The following LGR5 variants were observed in gnomAD, a reference collection of about 807,000 sequenced individuals.
LGR5 encodes leucine-rich repeat-containing G protein-coupled receptor 5.
Under a neutral mutation model 76.7 loss-of-function variants are expected in LGR5, and 54 were observed. That is an observed-to-expected ratio of 0.70 (90% CI 0.57 to 0.88). The LOEUF (loss-of-function observed/expected upper bound fraction) is 0.88, where lower values mean the gene tolerates loss of function less well. LGR5 is among the 40% of genes least tolerant of loss of function. The probability of loss-of-function intolerance (pLI) is 0.00; values close to 1 mark genes in which losing one functional copy is unlikely to be tolerated. For missense variants in LGR5, 1,078 were observed against 1,073.3 expected (o/e 1.00, Z -0.06); for synonymous variants, 406 against 421.9 (o/e 0.96, Z 0.46).
chr12:71,453,676 C>T (rs1198317717), intron 1 of LGR5, among the ~76,000 whole-genome samples: 1 of 151,212 alleles, frequency 6.6e-6, no homozygotes, highest in African/African-American at 2.4e-5. Context: ...TCAGGAAAAC[C>T]CAAGATTTCA....
intron 4 of LGR5, among the ~76,000 whole-genome samples, chr12:71,544,230 C>A (rs1290088402): frequency 6.6e-6 from 1 of 151,398 alleles, no homozygotes; most frequent in African/African-American, 2.4e-5. Context: ...TTATCTCTCC[C>A]CAACCTGGAG....
At chr12:71,535,803 A>G (rs1280883577) in intron 4 of LGR5, among the ~76,000 whole-genome samples, 4 of 152,198 alleles carry the variant, frequency 2.6e-5, no homozygotes, top group Non-Finnish European at 5.9e-5. Flanking sequence ...ACATGGACTC[A>G]CAGAGGTGTT....
intron 17 of LGR5, 99 bp downstream of exon 17, chr12:71,582,638 C>A (rs940885162): frequency 3.5e-6 from 3 of 866,664 alleles, no homozygotes; most frequent in African/African-American, 1.7e-5. Context: ...GAATCTGTGC[C>A]AACTTTGCAG....
chr12:71,545,294 A>G (rs1252162420), intron 4 of LGR5, among the ~76,000 whole-genome samples: 1 of 152,034 alleles, frequency 6.6e-6, no homozygotes. Flanking sequence ...AAAAAATACA[A>G]AAAATTAGCT....
At chr12:71,531,262 G>A (rs975394892) in intron 3 of LGR5, among the ~76,000 whole-genome samples, 1 of 152,102 alleles carries the variant, frequency 6.6e-6, no homozygotes, top group Non-Finnish European at 1.5e-5. Flanking sequence ...AAAGAAATCA[G>A]CAGCCATGTG....
chr12:71,553,106 C>T lies in LGR5; in HGVS notation c.462C>T (p.Pro154=). ...ATGCTAACCACATCAGCTATGTGCC[C>T]CCAAGCTGTTTCAGTGGCCTGCATT... The part of the protein sequence containing the change: ...RLDANHISYV[P]PSCFSGLHSL... Residue 154 remains proline (P), a synonymous_variant, in exon 5 of 18, where the codon CCC becomes CCT. Coordinates refer to ENST00000266674, the MANE Select transcript of LGR5 (RefSeq NM_003667.4). 1 of 1,613,952 alleles carries T rather than the reference C, an allele frequency of 6.2e-7. No individual in the cohort carries two copies. Among genetic ancestry groups the T allele is most frequent in the Non-Finnish European group, 8.5e-7 (1 of 1,179,978 alleles).
chr12:71,586,053 A>C lies in LGR5; in HGVS notation c.*1319A>C, dbSNP rs1485580378. The C allele has an allele frequency of 6.6e-6, 1 of 152,150 alleles. No individual in the cohort carries two copies. Among genetic ancestry groups the C allele is most frequent in the Non-Finnish European group, 1.5e-5 (1 of 68,016 alleles). 9.4% of individuals were successfully genotyped at this position (152,150 alleles called of 1,614,324 possible). On this transcript the variant is annotated 3_prime_UTR_variant, in exon 18 of 18. Transcript: ENST00000266674. ...GGATTTGAAAAAATACATTTATGAG[A>C]TGTTTTATAAGATGTGTAAATATAG...
Position 71,572,826 on chromosome 12 carries a change from A to G in LGR5, c.1137-24A>G, listed in dbSNP as rs17109874. On this transcript the variant is annotated intron_variant, in intron 12 of 17. Coordinates refer to ENST00000266674, the MANE Select transcript of LGR5 (RefSeq NM_003667.4). The stretch of plus-strand genomic sequence containing the variant: ...TTTGAAACCAGTAACTTTGAAATCA[A>G]TCTTTGGAACCCTGTCATTTCAGTG... 11,397 of 1,596,472 alleles carry G rather than the reference A, an allele frequency of 7.1e-3. 638 individuals are homozygous for G. In the African/African-American group the frequency reaches 0.13, roughly 18 times the overall value.
chr12:71,466,990 G>A (rs950164156), intron 1 of LGR5, among the ~76,000 whole-genome samples: 2 of 149,186 alleles, frequency 1.3e-5, no homozygotes, highest in African/African-American at 5.1e-5. Flanking sequence ...AGGCAAAAAG[G>A]CAAATAATGT....
intron 2 of LGR5, among the ~76,000 whole-genome samples, chr12:71,522,611 C>T (rs554827409): frequency 2.0e-4 from 30 of 152,024 alleles, no homozygotes; most frequent in Non-Finnish European, 4.0e-4. Context: ...TGTTTGTCTA[C>T]TCTATTTTTT....
At chr12:71,525,393 T>C (rs1438951209) in intron 3 of LGR5, among the ~76,000 whole-genome samples, 1 of 149,174 alleles carries the variant, frequency 6.7e-6, no homozygotes, top group Non-Finnish European at 1.5e-5. Context: ...CTTTGAATTT[T>C]TTTCTTTTCT....
chr12:71,446,280 G>A (rs1172979526), intron 1 of LGR5, among the ~76,000 whole-genome samples: 2 of 152,208 alleles, frequency 1.3e-5, no homozygotes, highest in African/African-American at 4.8e-5. Context: ...CAGCTGAATT[G>A]TGTTCAGTTT....
intron 11 of LGR5, 165 bp from the exon 12 acceptor site, chr12:71,571,349 T>A (rs747059281): frequency 2.0e-6 from 1 of 504,676 alleles, no homozygotes; most frequent in Non-Finnish European, 3.5e-6. Flanking sequence ...ATCTACTGGT[T>A]AATCCAATAA....
chr12:71,449,340 G>C (rs73138530), intron 1 of LGR5, among the ~76,000 whole-genome samples: 1 of 152,140 alleles, frequency 6.6e-6, no homozygotes, highest in Admixed American at 6.6e-5. Context: ...TAACTCATGC[G>C]CAGCCCCTGT....
chr12:71,510,185 C>T (rs906824359), intron 2 of LGR5, among the ~76,000 whole-genome samples: 1 of 152,182 alleles, frequency 6.6e-6, no homozygotes, highest in African/African-American at 2.4e-5. Flanking sequence ...GCCCCTTGGC[C>T]TTCTCACAGT....
intron 1 of LGR5, among the ~76,000 whole-genome samples, chr12:71,446,763 C>T (rs1451480994): frequency 1.3e-5 from 2 of 152,080 alleles, no homozygotes; most frequent in Non-Finnish European, 2.9e-5. Flanking sequence ...TCAGGGAATT[C>T]CAGAGCAAAA....
chr12:71,572,505 A>G (rs1024995744), intron 12 of LGR5, among the ~76,000 whole-genome samples: 1 of 152,168 alleles, frequency 6.6e-6, no homozygotes, highest in Non-Finnish European at 1.5e-5. Flanking sequence ...AAGCAAATCC[A>G]TCTGTAAAAG....
At chr12:71,538,460 A>G (rs1011275541) in intron 4 of LGR5, among the ~76,000 whole-genome samples, 6 of 152,006 alleles carry the variant, frequency 3.9e-5, no homozygotes, top group Non-Finnish European at 4.4e-5. Flanking sequence ...TCGAGGGTAC[A>G]GTGAGCCCTG....
intron 6 of LGR5, among the ~76,000 whole-genome samples, chr12:71,559,100 G>A (rs1411484121): frequency 2.0e-5 from 3 of 152,212 alleles, no homozygotes; most frequent in South Asian, 2.1e-4. Flanking sequence ...GGAGGGATGT[G>A]GGAACCCTGT....
Sources: gnomAD v4.1 joint callset for allele counts (sites outside exome capture counted in the v4.1 genomes callset) on GRCh38, gnomAD v4.1.1 for gene constraint, MANE v1.5 for transcripts, NCBI Gene and HGNC (gene_info 2026-07-23, HGNC 2026-07-21) for gene names.